The following VAV3 variants were observed in gnomAD, a reference collection of about 807,000 sequenced individuals.
The protein encoded by VAV3 is vav guanine nucleotide exchange factor 3, also known as guanine nucleotide exchange factor VAV3.
A neutral mutation model predicts 131.2 loss-of-function variants in VAV3; 94 were observed. The ratio of observed to expected loss-of-function variants is 0.72; its 90% CI spans 0.61 to 0.85. VAV3 has a LOEUF of 0.85. VAV3 is among the 40% of genes least tolerant of loss of function. VAV3 has a pLI of 0.00. For synonymous variants in VAV3, 349 were observed against 342.0 expected (o/e 1.02, Z -0.22); for missense variants, 939 against 1,002.7 (o/e 0.94, Z 0.86).
chr1:107,614,663 C>T (rs943170744), intron 21 of VAV3, among the ~76,000 whole-genome samples: 1 of 152,082 alleles, frequency 6.6e-6, no homozygotes, highest in East Asian at 1.9e-4. Context: ...CAATATGATT[C>T]TACAGGCTGA....
rs764466034 is a variant in VAV3, at chr1:107,574,220, T to A, written c.2351-22A>T. The A allele has an allele frequency of 2.5e-6, 4 of 1,609,356 alleles. No homozygotes were observed. In the East Asian group the frequency reaches 6.7e-5, roughly 27 times the overall value. ...AACACTGTCAAGAAATGACAAGCAA[T>A]GACAGTAGGTTTGCAGTTCGTTAAC... On this transcript the variant is annotated intron_variant, in intron 25 of 26. Coordinates refer to ENST00000370056, the MANE Select transcript of VAV3 (RefSeq NM_006113.5).
chr1:107,715,744 A>T (rs991956729), intron 15 of VAV3, among the ~76,000 whole-genome samples: 1 of 152,194 alleles, frequency 6.6e-6, no homozygotes, highest in Admixed American at 6.6e-5. Context: ...CACATCTCCC[A>T]CTGTGTCAGC....
intron 22 of VAV3, among the ~76,000 whole-genome samples, chr1:107,607,144 T>C (rs1351371626): frequency 1.3e-5 from 2 of 151,728 alleles, no homozygotes; most frequent in African/African-American, 4.8e-5. Context: ...TTAGTAGAGA[T>C]GGGGTTTCAC....
intron 1 of VAV3, among the ~76,000 whole-genome samples, chr1:107,944,971 T>C (rs1674181233): frequency 6.6e-6 from 1 of 152,140 alleles, no homozygotes; most frequent in Non-Finnish European, 1.5e-5. Context: ...ACTTTTGGGA[T>C]ATGCAAACCA....
At chr1:107,807,319 A>C (rs566159668) in intron 2 of VAV3, among the ~76,000 whole-genome samples, 1 of 152,228 alleles carries the variant, frequency 6.6e-6, no homozygotes, top group East Asian at 1.9e-4. Context: ...AGTTAGGCTC[A>C]GTATTTAGAA....
chr1:107,724,977 A>G (rs1193345987), intron 15 of VAV3, among the ~76,000 whole-genome samples: 1 of 152,222 alleles, frequency 6.6e-6, no homozygotes, highest in Admixed American at 6.5e-5. Flanking sequence ...ATTTGTATTT[A>G]GGAAACTCTA....
At chr1:107,645,967 TA>T (rs1377253973) in intron 19 of VAV3, among the ~76,000 whole-genome samples, 3 of 152,014 alleles carry the variant, frequency 2.0e-5, no homozygotes, top group Non-Finnish European at 2.9e-5. Context: ...GAAACTTACT[TA>T]AAAATCTCTA....
At chr1:107,634,224 C>G (rs1039645377) in intron 20 of VAV3, among the ~76,000 whole-genome samples, 46 of 152,240 alleles carry the variant, frequency 3.0e-4, no homozygotes, top group African/African-American at 9.9e-4. Context: ...TCAAACTATA[C>G]TACAAGGCTA....
At position 107,765,192 on chromosome 1, in the gene VAV3, A is replaced by G; in HGVS notation, c.822-17T>C. The G allele has an allele frequency of 6.3e-7, 1 of 1,592,086 alleles. No individual in the cohort carries two copies. Among genetic ancestry groups the G allele is most frequent in the Non-Finnish European group, 8.6e-7 (1 of 1,160,930 alleles). On this transcript the variant is annotated splice_polypyrimidine_tract_variant and intron_variant, in intron 8 of 26. Transcript: ENST00000370056. The stretch of plus-strand genomic sequence containing the variant: ...ATAACCAATCTGAAAGGGAAAAAAG[A>G]CAAGAAATCTCTAAGACAAAAACCA...
intron 8 of VAV3, among the ~76,000 whole-genome samples, 199 bp downstream of exon 8, chr1:107,766,245 CCTT>C (rs773503301): frequency 5.2e-4 from 79 of 152,246 alleles, no homozygotes; most frequent in Non-Finnish European, 8.4e-4. Flanking sequence ...TCCCCCTCCT[CCTT>C]CTTCTTCTTC....
chr1:107,740,819 A>G (rs751405778), intron 15 of VAV3, among the ~76,000 whole-genome samples: 2 of 152,206 alleles, frequency 1.3e-5, no homozygotes, highest in Non-Finnish European at 2.9e-5. Context: ...ATGTGAATCT[A>G]TGGCTGCATT....
intron 2 of VAV3, among the ~76,000 whole-genome samples, chr1:107,795,536 G>A (rs1553210120): frequency 2.0e-5 from 3 of 151,540 alleles, no homozygotes; most frequent in Non-Finnish European, 4.4e-5. Flanking sequence ...CTCCCCCCAG[G>A]AAAAAAAATG....
intron 1 of VAV3, among the ~76,000 whole-genome samples, chr1:107,957,134 C>T (rs74109905): frequency 0.1 from 15,418 of 152,084 alleles, 1,384 homozygotes; most frequent in African/African-American, 0.24. Flanking sequence ...TGTTCCCTTT[C>T]TCACTAAAAT....
At chr1:107,743,275 G>C (rs1421631606) in intron 15 of VAV3, among the ~76,000 whole-genome samples, 2 of 152,096 alleles carry the variant, frequency 1.3e-5, no homozygotes, top group African/African-American at 4.8e-5. Context: ...AAGAGGTAGG[G>C]AATAGCTAAA....
intron 15 of VAV3, among the ~76,000 whole-genome samples, chr1:107,723,918 T>C (rs957165967): frequency 6.6e-6 from 1 of 152,096 alleles, no homozygotes; most frequent in Non-Finnish European, 1.5e-5. Context: ...AGAGAACACA[T>C]CGTAAATGCT....
At chr1:107,778,041 A>G (rs1235899532) in intron 3 of VAV3, among the ~76,000 whole-genome samples, 1 of 152,206 alleles carries the variant, frequency 6.6e-6, no homozygotes, top group African/African-American at 2.4e-5. Flanking sequence ...TATGTCTAAC[A>G]AAATCACAGT....
intron 1 of VAV3, among the ~76,000 whole-genome samples, chr1:107,924,560 A>G (rs1051055775): frequency 6.6e-6 from 1 of 152,194 alleles, no homozygotes; most frequent in East Asian, 1.9e-4. Context: ...ACCACCAAAA[A>G]TATCTATGGC....
At chr1:107,894,106 T>C (rs1167083621) in intron 1 of VAV3, among the ~76,000 whole-genome samples, 3 of 152,354 alleles carry the variant, frequency 2.0e-5, no homozygotes, top group Admixed American at 1.3e-4. Context: ...AAAAGCATCC[T>C]TGTAAATAGT....
chr1:107,797,351 T>C (rs1168931458), intron 2 of VAV3, among the ~76,000 whole-genome samples: 1 of 152,196 alleles, frequency 6.6e-6, no homozygotes, highest in Non-Finnish European at 1.5e-5. Flanking sequence ...ATTTATTGAG[T>C]ATCTGCATAT....
Sources: gnomAD v4.1 joint callset for allele counts (sites outside exome capture counted in the v4.1 genomes callset) on GRCh38, gnomAD v4.1.1 for gene constraint, MANE v1.5 for transcripts, NCBI Gene and HGNC (gene_info 2026-07-23, HGNC 2026-07-21) for gene names.